GCH1: variants seen among roughly 807,000 people sequenced by gnomAD.
GCH1 encodes GTP cyclohydrolase I.
In GCH1, 5 loss-of-function variants were observed where a neutral mutation model predicts 25.9. The ratio of observed to expected loss-of-function variants is 0.19; its 90% CI spans 0.10 to 0.41. The LOEUF is 0.41. Among genes scored for constraint, GCH1 ranks in the 10% least tolerant of loss-of-function variants. The pLI, the probability that GCH1 is intolerant of heterozygous loss-of-function variation, is 1.00. For missense variants in GCH1, 261 were observed against 336.5 expected, an observed-to-expected ratio of 0.78 and a Z score of 1.75; for synonymous variants, 159 against 129.6, an observed-to-expected ratio of 1.23 and a Z score of -1.54.
chr14:54,867,466 T>C (rs1363144414), intron 1 of GCH1, among the ~76,000 whole-genome samples: 4 of 151,726 alleles, frequency 2.6e-5, no homozygotes, highest in Non-Finnish European at 4.4e-5. Flanking sequence ...TGCATGCCTG[T>C]AGTCCCAGCT....
At position 54,867,901 on chromosome 14, in the gene GCH1, G is replaced by A. The variant is rs573126917; in HGVS notation, c.344-2465C>T. ...ATTTGCCTTAACAGAGTACAGAAAAGGAAAAATAGTAACTTGGTGGAGAAA... is the reference window on the plus strand; with the variant it reads ...ATTTGCCTTAACAGAGTACAGAAAAAGAAAAATAGTAACTTGGTGGAGAAA... On this transcript the variant is annotated intron_variant, in intron 1 of 5. Transcript: ENST00000491895. Among the ~76,000 whole-genome samples, 390 of 152,242 alleles carry A rather than the reference G, an allele frequency of 2.6e-3. 1 individual carries two copies. Among genetic ancestry groups the A allele is most frequent in the Non-Finnish European group, 3.9e-3 (264 of 68,010 alleles).
chr14:54,900,061 T>C (rs1443260467), intron 1 of GCH1, among the ~76,000 whole-genome samples: 1 of 151,804 alleles, frequency 6.6e-6, no homozygotes, highest in Admixed American at 6.6e-5. Flanking sequence ...GAATGGGTTT[T>C]CCCATGTTGG....
At chr14:54,894,091 T>C (rs576163739) in intron 1 of GCH1, among the ~76,000 whole-genome samples, 8 of 152,324 alleles carry the variant, frequency 5.3e-5, no homozygotes, top group African/African-American at 1.9e-4. Context: ...TTTTTAATAA[T>C]AGTATTTAGT....
At chr14:54,894,054 GA>G (rs1266074510) in intron 1 of GCH1, among the ~76,000 whole-genome samples, 1 of 152,174 alleles carries the variant, frequency 6.6e-6, no homozygotes, top group Non-Finnish European at 1.5e-5. Context: ...GATGATCAAT[GA>G]AATTGTAGTA....
At position 54,899,736 on chromosome 14, in the gene GCH1, C is replaced by T. The variant is rs115483224; in HGVS notation, c.343+2585G>A. On this transcript the variant is annotated intron_variant, in intron 1 of 5. Coordinates refer to ENST00000491895, the MANE Select transcript of GCH1 (RefSeq NM_000161.3). ...GTGCAACTATCACCACTCTCTAGTTCCAGAACATTTTCATGACTCCAAAAG... is the reference window on the plus strand; with the variant it reads ...GTGCAACTATCACCACTCTCTAGTTTCAGAACATTTTCATGACTCCAAAAG... Among the ~76,000 whole-genome samples the T allele has an allele frequency of 9.6e-3, 1,463 of 152,238 alleles. 27 individuals carry two copies. Among genetic ancestry groups the T allele is most frequent in the African/African-American group, 0.033 (1,372 of 41,536 alleles).
chr14:54,901,882 A>G (rs111444831), intron 1 of GCH1, among the ~76,000 whole-genome samples: 254 of 152,242 alleles, frequency 1.7e-3, no homozygotes, highest in African/African-American at 5.8e-3. Flanking sequence ...ACACACCCTG[A>G]CAATGGGATC....
In GCH1 at chr14:54,902,497, T is replaced by A; in HGVS notation, c.167A>T (p.Glu56Val). 1 of 1,607,146 alleles carries A rather than the reference T, an allele frequency of 6.2e-7. No individual in the cohort carries two copies. Among genetic ancestry groups the A allele is most frequent in the Non-Finnish European group, 8.5e-7 (1 of 1,177,722 alleles). ...GTTATCCTCCTCGCTGCGGGGCCGCTCGCCCTTCCAGCCGTCCGCGGGCTG... is the reference window on the plus strand; with the variant it reads ...GTTATCCTCCTCGCTGCGGGGCCGCACGCCCTTCCAGCCGTCCGCGGGCTG... ...SAQPADGWKGERPRSEEDNEL... is the reference protein window; with the variant it reads ...SAQPADGWKGVRPRSEEDNEL... Residue 56 changes from glutamate (E) to valine (V), a missense_variant, in exon 1 of 6, where the codon GAG becomes GTG. Transcript: ENST00000491895.
At chr14:54,854,657 T>C (rs977201127) in intron 3 of GCH1, among the ~76,000 whole-genome samples, 1 of 152,178 alleles carries the variant, frequency 6.6e-6, no homozygotes, top group African/African-American at 2.4e-5. Context: ...TGCTTTAACA[T>C]TCAGAGCTTG....
chr14:54,856,235 C>A (rs1225377909), intron 3 of GCH1, among the ~76,000 whole-genome samples: 3 of 152,146 alleles, frequency 2.0e-5, no homozygotes, highest in African/African-American at 7.2e-5. Context: ...ACCTGCCAGG[C>A]CACAGCCATC....
intron 1 of GCH1, among the ~76,000 whole-genome samples, chr14:54,898,634 T>A (rs2040519989): frequency 6.6e-6 from 1 of 152,248 alleles, no homozygotes; most frequent in Non-Finnish European, 1.5e-5. Flanking sequence ...ATTTATTTAC[T>A]GTTGAGACGG....
intron 1 of GCH1, among the ~76,000 whole-genome samples, chr14:54,878,498 G>C (rs568045201): frequency 1.3e-5 from 2 of 152,284 alleles, no homozygotes; most frequent in South Asian, 4.1e-4. Flanking sequence ...TGATTTGGTG[G>C]AGAATGGTCC....
intron 1 of GCH1, among the ~76,000 whole-genome samples, chr14:54,896,855 C>G (rs1292725985): frequency 6.8e-6 from 1 of 146,966 alleles, no homozygotes; most frequent in East Asian, 2.0e-4. Flanking sequence ...GGAGACCGAG[C>G]TTGCAGTGAG....
intron 1 of GCH1, among the ~76,000 whole-genome samples, chr14:54,889,740 C>T (rs752993308): frequency 1.2e-4 from 19 of 152,194 alleles, no homozygotes; most frequent in Non-Finnish European, 7.3e-5. Flanking sequence ...AAAGGCCAAA[C>T]ATTGCAAAAG....
At chr14:54,864,561 G>A (rs1296465428) in intron 2 of GCH1, among the ~76,000 whole-genome samples, 2 of 152,086 alleles carry the variant, frequency 1.3e-5, no homozygotes, top group Non-Finnish European at 2.9e-5. Flanking sequence ...GAATCCAATG[G>A]AGAGTCACAC....
At chr14:54,880,994 T>C (rs1480482932) in intron 1 of GCH1, among the ~76,000 whole-genome samples, 3 of 150,968 alleles carry the variant, frequency 2.0e-5, no homozygotes, top group Non-Finnish European at 4.4e-5. Context: ...CTGGCTAATT[T>C]TTGTATTTTT....
intron 1 of GCH1, among the ~76,000 whole-genome samples, chr14:54,888,525 T>C (rs1203580653): frequency 1.4e-5 from 2 of 140,910 alleles, no homozygotes; most frequent in African/African-American, 5.9e-5. Context: ...AGTTTTTTTT[T>C]TTTTTGAGAT....
At chr14:54,849,035 G>C (rs1350105682) in intron 3 of GCH1, among the ~76,000 whole-genome samples, 1 of 152,204 alleles carries the variant, frequency 6.6e-6, no homozygotes, top group Non-Finnish European at 1.5e-5. Context: ...TGCCACATTG[G>C]ACAATAGTGG....
intron 2 of GCH1, among the ~76,000 whole-genome samples, chr14:54,862,482 A>T (rs774568194): frequency 6.1e-5 from 9 of 147,204 alleles, no homozygotes; most frequent in Non-Finnish European, 1.2e-4. Context: ...TCCTGGGTTC[A>T]AGCGATTCTC....
intron 1 of GCH1, among the ~76,000 whole-genome samples, chr14:54,874,843 G>A (rs544017717): frequency 3.3e-5 from 5 of 152,232 alleles, no homozygotes; most frequent in Admixed American, 2.6e-4. Context: ...AATAAAAGAG[G>A]ATACAAACAA....
Sources: allele counts gnomAD v4.1 joint callset (sites outside exome capture counted in the v4.1 genomes callset), GRCh38; gene constraint gnomAD v4.1.1; transcripts MANE v1.5; gene names NCBI Gene and HGNC (gene_info 2026-07-23, HGNC 2026-07-21).